Variants in PAX2 observed in about 807,000 individuals in gnomAD.
PAX2 encodes paired box protein Pax-2.
PAX2 carries 9 observed loss-of-function variants against 41.7 expected under a neutral mutation model. That is an observed-to-expected ratio of 0.22 (90% CI 0.13 to 0.38). The LOEUF is 0.38. PAX2 is among the 10% of genes least tolerant of loss of function. PAX2 has a pLI of 1.00. For missense variants in PAX2, 418 were observed against 531.6 expected (o/e 0.79, Z 2.10); for synonymous variants, 221 against 212.7 (o/e 1.04, Z -0.34).
chr10:100,754,077 G>C (rs1266939129), intron 3 of PAX2, among the ~76,000 whole-genome samples: 1 of 152,242 alleles, frequency 6.6e-6, no homozygotes, highest in East Asian at 1.9e-4. Flanking sequence ...TTTATAAACA[G>C]GGGACTTTAG....
chr10:100,771,581 G>C (rs991446506), intron 3 of PAX2, among the ~76,000 whole-genome samples: 1 of 152,176 alleles, frequency 6.6e-6, no homozygotes, highest in African/African-American at 2.4e-5. Flanking sequence ...GTTCCTTAGA[G>C]TTCTCAGGAG....
At chr10:100,741,409 C>CAA (rs71013465), upstream of PAX2, among the ~76,000 whole-genome samples, 402 of 111,244 alleles carry the variant, frequency 3.6e-3, 2 homozygotes, top group African/African-American at 0.011. Flanking sequence ...GAAGCTCTTC[C>CAA]AAAAAAAAAA....
upstream of PAX2, among the ~76,000 whole-genome samples, chr10:100,742,682 T>TG (rs141675663): frequency 0.05 from 7,518 of 151,790 alleles, 632 homozygotes; most frequent in African/African-American, 0.17. Flanking sequence ...GCCCCTAGGT[T>TG]GGGGGGTGGA....
chr10:100,781,491 C>G (rs1589848491), intron 5 of PAX2, 126 bp downstream of exon 5: 3 of 964,914 alleles, frequency 3.1e-6, no homozygotes, highest in Admixed American at 1.7e-5. Context: ...AAGCCCAGGT[C>G]CCCCCACTGC....
intron 7 of PAX2, among the ~76,000 whole-genome samples, chr10:100,823,483 G>A (rs1383858962): frequency 1.3e-5 from 2 of 152,150 alleles, no homozygotes; most frequent in African/African-American, 4.8e-5. Flanking sequence ...TAGCCATTGG[G>A]AGAATAATGA....
chr10:100,742,375 C>A (rs549751531), upstream of PAX2, among the ~76,000 whole-genome samples: 1 of 148,812 alleles, frequency 6.7e-6, no homozygotes, highest in South Asian at 2.2e-4. Flanking sequence ...TCCGCCACCC[C>A]GACACCTACA....
At chr10:100,739,346 C>T (rs1328147445) in intron 1 of PAX2, among the ~76,000 whole-genome samples, 1 of 152,252 alleles carries the variant, frequency 6.6e-6, no homozygotes, top group Non-Finnish European at 1.5e-5. Context: ...CCCAGTCTCT[C>T]TGGCGGGTCC....
Position 100,798,128 on chromosome 10 carries a change from T to TTTTTTTC in PAX2, c.617-8302_617-8301insTTTTTTC, listed in dbSNP as rs1309620611. 1.8e-5 allele frequency among the ~76,000 whole-genome samples: 2 copies of TTTTTTTC among 108,952 alleles called. 1 individual carries two copies. Among genetic ancestry groups the TTTTTTTC allele is most frequent in the Non-Finnish European group, 3.9e-5 (2 of 51,308 alleles). 71.5% of individuals were successfully genotyped at this position (108,952 alleles called of 152,430 possible). On this transcript the variant is annotated intron_variant, in intron 5 of 9. Transcript: ENST00000355243. The stretch of plus-strand genomic sequence containing the variant: ...TCTTTTTTTTTTTTTTTTTTTTTTT[T>TTTTTTTC]AGACAGGGTCAGGGTCTCACTCTGT...
intron 1 of PAX2, 185 bp from the exon 2 acceptor site, chr10:100,749,561 G>C: frequency 7.1e-7 from 1 of 1,400,074 alleles, no homozygotes; most frequent in Non-Finnish European, 9.3e-7. Context: ...CTTCAGCCCA[G>C]CGTCTGTGCT....
chr10:100,784,773 T>TA (rs1329808966), intron 5 of PAX2, among the ~76,000 whole-genome samples: 1 of 152,144 alleles, frequency 6.6e-6, no homozygotes, highest in Non-Finnish European at 1.5e-5. Flanking sequence ...CTGGGGATAT[T>TA]AGGAAAGGAC....
At chr10:100,735,450 A>T (rs1039730617) in exon 1 of PAX2, among the ~76,000 whole-genome samples, 1 of 152,092 alleles carries the variant, frequency 6.6e-6, no homozygotes, top group Non-Finnish European at 1.5e-5. Context: ...GTGCGTGTGC[A>T]CGCGTGTGCG....
chr10:100,829,026 G>C lies in PAX2; in HGVS notation c.*1407G>C, dbSNP rs570097003. Reference sequence around the variant, plus strand: ...GAGTCGCCGCTCGCTGGGGGGGAAGGGGGGGACACAGCTACACGCCCATTA... The same window carrying C: ...GAGTCGCCGCTCGCTGGGGGGGAAGCGGGGGACACAGCTACACGCCCATTA... On this transcript the variant is annotated 3_prime_UTR_variant, in exon 10 of 10. Transcript: ENST00000355243. 382 of 226,120 alleles carry C rather than the reference G, an allele frequency of 1.7e-3. 2 individuals are homozygous for C. The highest frequency in any genetic ancestry group is 7.1e-3 in the African/African-American group (318 of 44,862). The allele number at this position is 226,120 out of a possible 1,614,324, so 14.0% of individuals were successfully genotyped here. A position where few individuals can be genotyped will look rare whatever the true frequency, so the allele number is the denominator to read the frequency against.
At chr10:100,805,063 C>G (rs1847725222) in intron 5 of PAX2, among the ~76,000 whole-genome samples, 1 of 145,842 alleles carries the variant, frequency 6.9e-6, no homozygotes, top group Admixed American at 6.8e-5. Flanking sequence ...CACACACACA[C>G]ACACACACAC....
At chr10:100,819,780 C>T (rs1038880674) in intron 7 of PAX2, among the ~76,000 whole-genome samples, 1 of 152,178 alleles carries the variant, frequency 6.6e-6, no homozygotes, top group Admixed American at 6.5e-5. Flanking sequence ...TACCTGATGA[C>T]TACAATTTTT....
At chr10:100,806,022 T>C (rs1847768770) in intron 5 of PAX2, among the ~76,000 whole-genome samples, 1 of 152,176 alleles carries the variant, frequency 6.6e-6, no homozygotes. Flanking sequence ...CCGAGTTCAA[T>C]TCTCCACAGG....
upstream of PAX2, among the ~76,000 whole-genome samples, chr10:100,743,076 G>T (rs182586734): frequency 2.0e-5 from 3 of 151,884 alleles, no homozygotes. Flanking sequence ...CTAGACCCAG[G>T]AATGGGCTGG....
intron 5 of PAX2, among the ~76,000 whole-genome samples, chr10:100,805,175 G>A (rs987529897): frequency 1.3e-5 from 2 of 152,216 alleles, no homozygotes; most frequent in Non-Finnish European, 2.9e-5. Flanking sequence ...GGCCAGCAAG[G>A]GAGGATGGCT....
rs200171789 is a variant in PAX2, at chr10:100,789,141, T to C, written c.616+7776T>C. Among the ~76,000 whole-genome samples the C allele has an allele frequency of 3.9e-5, 6 of 152,312 alleles. No homozygotes were observed. In the East Asian group the frequency reaches 1.2e-3, roughly 29 times the overall value. ...CTTTTTTTTGGATGAAGTTTCACTC[T>C]TGTTGCCCAAGCTGGAGAGCAATGG... On this transcript the variant is annotated intron_variant, in intron 5 of 9. Coordinates refer to ENST00000355243, the MANE Select transcript of PAX2 (RefSeq NM_000278.5).
intron 1 of PAX2, among the ~76,000 whole-genome samples, chr10:100,736,887 T>G (rs761876864): frequency 2.0e-5 from 3 of 152,106 alleles, no homozygotes; most frequent in Non-Finnish European, 2.9e-5. Flanking sequence ...AAAATCAATC[T>G]CTGATGGTGT....
Sources: gnomAD v4.1 joint callset for allele counts (sites outside exome capture counted in the v4.1 genomes callset) on GRCh38, gnomAD v4.1.1 for gene constraint, MANE v1.5 for transcripts, NCBI Gene and HGNC (gene_info 2026-07-23, HGNC 2026-07-21) for gene names.